Variants in MAP4K5 observed in about 807,000 individuals in gnomAD.
MAP4K5 encodes mitogen-activated protein kinase kinase kinase kinase 5.
MAP4K5 carries 82 observed loss-of-function variants against 135.6 expected under a neutral mutation model. The observed-to-expected ratio is 0.60, with a 90% CI of 0.51 to 0.73. The LOEUF (loss-of-function observed/expected upper bound fraction) is 0.73, where lower values mean the gene tolerates loss of function less well. MAP4K5 is among the 30% of genes least tolerant of loss of function. The pLI is 0.00. For missense variants in MAP4K5, 907 were observed against 1,010.9 expected (o/e 0.90, Z 1.39); for synonymous variants, 347 against 335.0 (o/e 1.04, Z -0.39).
chr14:50,560,372 CAG>C (rs1392296865), intron 1 of MAP4K5: 1 of 1,564,736 alleles, frequency 6.4e-7, no homozygotes, highest in Non-Finnish European at 8.7e-7. Context: ...TCTGTGGAGA[CAG>C]GGAGGGCCAA....
chr14:50,471,264 T>C (rs919613562), intron 9 of MAP4K5, among the ~76,000 whole-genome samples: 2 of 152,062 alleles, frequency 1.3e-5, no homozygotes, highest in African/African-American at 2.4e-5. Context: ...TCCAATTTGA[T>C]AGAAAAAAGT....
At chr14:50,503,028 G>A (rs1004711255) in intron 3 of MAP4K5, among the ~76,000 whole-genome samples, 2 of 151,760 alleles carry the variant, frequency 1.3e-5, no homozygotes, top group African/African-American at 2.4e-5. Context: ...ACAAGGAAAT[G>A]GGGAATAGAG....
At chr14:50,444,977 T>C in intron 18 of MAP4K5, 64 bp downstream of exon 18, 2 of 1,497,268 alleles carry the variant, frequency 1.3e-6, no homozygotes, top group Non-Finnish European at 9.0e-7. Flanking sequence ...CACTTTGATT[T>C]ATTCACCCAG....
In MAP4K5 at chr14:50,486,145, A is replaced by G. The variant is rs767242087; in HGVS notation, c.216T>C (p.Cys72=). The part of the protein sequence containing the change: ...IQQEIFMVKE[C]KHCNIVAYFG... ...AGTAGGCAACGATGTTACAATGTTT[A>G]CATTCTTTAACCATAAATATTTCTT... Residue 72 remains cysteine (C), a synonymous_variant, in exon 4 of 33, where the codon TGT becomes TGC. Coordinates refer to ENST00000682126, the MANE Select transcript of MAP4K5 (RefSeq NM_006575.6). The G allele has an allele frequency of 7.0e-7, 1 of 1,422,670 alleles. No individual in the cohort carries two copies. The highest frequency in any genetic ancestry group is 2.2e-5 in the Admixed American group (1 of 44,676). The allele number at this position is 1,422,670 out of a possible 1,614,324, so 88.1% of individuals were successfully genotyped here. A position where few individuals can be genotyped will look rare whatever the true frequency, so the allele number is the denominator to read the frequency against.
chr14:50,469,027 G>C (rs554534194), intron 9 of MAP4K5, among the ~76,000 whole-genome samples: 5 of 152,078 alleles, frequency 3.3e-5, no homozygotes, highest in Non-Finnish European at 5.9e-5. Context: ...TCTTGTTTTA[G>C]TTTGGTTTCT....
At chr14:50,547,063 G>A (rs556582476) in intron 1 of MAP4K5, among the ~76,000 whole-genome samples, 1 of 152,186 alleles carries the variant, frequency 6.6e-6, no homozygotes, top group East Asian at 1.9e-4. Context: ...CATGGACACA[G>A]GGGGAGGGGG....
At chr14:50,550,684 A>C (rs2038691540) in intron 1 of MAP4K5, among the ~76,000 whole-genome samples, 2 of 152,250 alleles carry the variant, frequency 1.3e-5, no homozygotes, top group Admixed American at 6.5e-5. Flanking sequence ...AGAAAATCAA[A>C]ATTATATCAA....
At chr14:50,528,133 C>CT (rs1172448553) in intron 2 of MAP4K5, among the ~76,000 whole-genome samples, 1 of 152,082 alleles carries the variant, frequency 6.6e-6, no homozygotes, top group Non-Finnish European at 1.5e-5. Flanking sequence ...CACCAAATTC[C>CT]TTTTCTCTTC....
chr14:50,448,922 G>A, intron 14 of MAP4K5, 90 bp from the exon 15 acceptor site: 1 of 660,794 alleles, frequency 1.5e-6, no homozygotes, highest in South Asian at 1.8e-5. Flanking sequence ...TGGGGTGGGG[G>A]AGGGAGAAAG....
intron 6 of MAP4K5, among the ~76,000 whole-genome samples, chr14:50,478,827 T>C (rs1366607665): frequency 1.3e-5 from 2 of 152,154 alleles, no homozygotes; most frequent in African/African-American, 4.8e-5. Flanking sequence ...AATAGAATTT[T>C]AGGTTGACAA....
intron 2 of MAP4K5, among the ~76,000 whole-genome samples, chr14:50,509,036 G>A (rs779845541): frequency 3.7e-4 from 57 of 152,022 alleles, no homozygotes; most frequent in Non-Finnish European, 5.3e-4. Context: ...ATATACCATC[G>A]AATACTATGC....
In MAP4K5 at chr14:50,425,073, A is replaced by G. The variant is rs117647438; in HGVS notation, c.2397+834T>C. 8.4e-3 allele frequency among the ~76,000 whole-genome samples: 1,278 copies of G among 152,350 alleles called. 11 individuals are homozygous for G. Among genetic ancestry groups the G allele is most frequent in the South Asian group, 0.021 (99 of 4,828 alleles). On this transcript the variant is annotated intron_variant, in intron 31 of 32. Coordinates refer to ENST00000682126, the MANE Select transcript of MAP4K5 (RefSeq NM_006575.6). ...ACTAAAGGTAAATGCAAACAGAAGA[A>G]GTTTTTGAGCTTTAAGTAAGTTCAC... is the stretch of plus-strand genomic sequence containing the variant.
intron 2 of MAP4K5, among the ~76,000 whole-genome samples, chr14:50,510,243 CAATT>C (rs2048879417): frequency 6.6e-6 from 1 of 152,204 alleles, no homozygotes; most frequent in African/African-American, 2.4e-5. Flanking sequence ...GAGTTTGGAA[CAATT>C]AATTCTGATT....
intron 2 of MAP4K5, among the ~76,000 whole-genome samples, chr14:50,541,534 A>G (rs2038560019): frequency 6.6e-6 from 1 of 152,188 alleles, no homozygotes; most frequent in Admixed American, 6.5e-5. Flanking sequence ...TGACCCATGT[A>G]ACCTGTATGA....
chr14:50,496,455 T>C (rs2037595176), intron 3 of MAP4K5, among the ~76,000 whole-genome samples: 1 of 152,094 alleles, frequency 6.6e-6, no homozygotes, highest in Admixed American at 6.5e-5. Flanking sequence ...TCACTACAGC[T>C]GGATGTTTAA....
chr14:50,475,062 A>G lies in MAP4K5; in HGVS notation c.542+15T>C. 6.2e-7 allele frequency: 1 copy of G among 1,600,802 alleles called. No homozygotes were observed. The highest frequency in any genetic ancestry group is 8.6e-7 in the Non-Finnish European group (1 of 1,168,052). On this transcript the variant is annotated intron_variant, in intron 9 of 32. Coordinates refer to ENST00000682126, the MANE Select transcript of MAP4K5 (RefSeq NM_006575.6). ...AAATGAAAATGGATCAAATTCAATC[A>G]CAGTAATGTCTTACCAGTAAGGGGT... is the stretch of plus-strand genomic sequence containing the variant.
intron 3 of MAP4K5, among the ~76,000 whole-genome samples, chr14:50,497,764 A>ATTT (rs1254376720): frequency 1.3e-5 from 2 of 152,222 alleles, no homozygotes; most frequent in Non-Finnish European, 2.9e-5. Flanking sequence ...GTCTAAAGAA[A>ATTT]CACATTTAAC....
rs116694949 is a variant in MAP4K5, at chr14:50,430,080, T to C, written c.2165-820A>G. On this transcript the variant is annotated intron_variant, in intron 28 of 32. Coordinates refer to ENST00000682126, the MANE Select transcript of MAP4K5 (RefSeq NM_006575.6). Reference sequence around the variant, plus strand: ...CAACCTGATTTAAGGAATATAGTGATAATAAATGTACTACACAGACATTTC... The same window carrying C: ...CAACCTGATTTAAGGAATATAGTGACAATAAATGTACTACACAGACATTTC... 3.9e-3 allele frequency among the ~76,000 whole-genome samples: 596 copies of C among 152,204 alleles called. 3 individuals carry two copies. Among genetic ancestry groups the C allele is most frequent in the African/African-American group, 0.013 (530 of 41,540 alleles).
intron 26 of MAP4K5, 83 bp downstream of exon 26, chr14:50,437,393 A>AT: frequency 9.2e-7 from 1 of 1,086,742 alleles, no homozygotes. Context: ...CCTCCTTCCT[A>AT]TTTGATTCCA....
Sources: allele counts gnomAD v4.1 joint callset (sites outside exome capture counted in the v4.1 genomes callset), GRCh38; gene constraint gnomAD v4.1.1; transcripts MANE v1.5; gene names NCBI Gene and HGNC (gene_info 2026-07-23, HGNC 2026-07-21).